Variants in CAD observed in about 807,000 individuals in gnomAD.
CAD encodes carbamoyl-phosphate synthetase 2, aspartate transcarbamylase, and dihydroorotase.
CAD carries 81 observed loss-of-function variants against 237.2 expected under a neutral mutation model. The ratio of observed to expected loss-of-function variants is 0.34; its 90% CI spans 0.29 to 0.41. CAD has a LOEUF of 0.41. CAD is among the 10% of genes least tolerant of loss of function. The pLI, the probability that CAD is intolerant of heterozygous loss-of-function variation, is 1.00. For missense variants in CAD, 2,181 were observed against 2,951.7 expected, an observed-to-expected ratio of 0.74 and a Z score of 6.05; for synonymous variants, 1,196 against 1,162.8, an observed-to-expected ratio of 1.03 and a Z score of -0.58.
Position 27,243,308 on chromosome 2 carries a change from A to C in CAD, c.6575+16A>C, listed in dbSNP as rs1676416187. 6.2e-7 allele frequency: 1 copy of C among 1,612,928 alleles called. No individual in the cohort carries two copies. Among genetic ancestry groups the C allele is most frequent in the Admixed American group, 1.7e-5 (1 of 59,948 alleles). ...ACGAGATAAGGTGGTGCAGCATCAG[A>C]GTCAGAGACTGCCTCGGGGCTGGTG... On this transcript the variant is annotated intron_variant, in intron 43 of 43. Coordinates refer to ENST00000264705, the MANE Select transcript of CAD (RefSeq NM_004341.5).
At chr2:27,221,160 A>C in intron 2 of CAD, 58 bp from the exon 3 acceptor site, 2 of 1,451,202 alleles carry the variant, frequency 1.4e-6, no homozygotes, top group Non-Finnish European at 1.8e-6. Flanking sequence ...ACAATCGGGA[A>C]AATGCTGCAA....
chr2:27,234,292 C>A, intron 22 of CAD, 66 bp downstream of exon 22: 1 of 1,445,722 alleles, frequency 6.9e-7, no homozygotes, highest in Non-Finnish European at 9.7e-7. Context: ...GGCCACAGTG[C>A]CATGAAGCCC....
At position 27,223,753 on chromosome 2, in the gene CAD, G is replaced by A; in HGVS notation, c.995+5G>A. ...CAACAGCTTGCCTTTCTTCAGGTGAGCCTGGTTGACTGGGTCTGTGAAAAT... is the reference window on the plus strand; with the variant it reads ...CAACAGCTTGCCTTTCTTCAGGTGAACCTGGTTGACTGGGTCTGTGAAAAT... On this transcript the variant is annotated splice_donor_5th_base_variant and intron_variant, in intron 7 of 43. Transcript: ENST00000264705. The A allele has an allele frequency of 6.2e-7, 1 of 1,613,590 alleles. No individual in the cohort carries two copies. The highest frequency in any genetic ancestry group is 8.5e-7 in the Non-Finnish European group (1 of 1,179,534).
chr2:27,243,215 C>T lies in CAD; in HGVS notation c.6498C>T (p.Ile2166=). The change falls in exon 43 of 44, where the codon ATC becomes ATT. Residue 2166 remains isoleucine, a synonymous_variant. Coordinates refer to ENST00000264705, the MANE Select transcript of CAD (RefSeq NM_004341.5). ...QEYEACFGQF[I]LTPHIMTRAK... is the part of the protein sequence containing the mutation. ...CTTTGCAGTGCTTTGGTCAGTTCAT[C>T]CTCACTCCCCACATCATGACCCGGG... The T allele has an allele frequency of 6.2e-7, 1 of 1,614,030 alleles. No homozygotes were observed. The highest frequency in any genetic ancestry group is 8.5e-7 in the Non-Finnish European group (1 of 1,179,996).
chr2:27,226,749 G>T (rs1297452754), intron 14 of CAD, 83 bp from the exon 15 acceptor site: 1 of 1,602,636 alleles, frequency 6.2e-7, no homozygotes, highest in Non-Finnish European at 8.5e-7. Flanking sequence ...GCCTGGATTT[G>T]TGGGAATGGA....
At position 27,224,493 on chromosome 2, in the gene CAD, G is replaced by C; in HGVS notation, c.1254+3G>C. 1 of 1,613,848 alleles carries C rather than the reference G, an allele frequency of 6.2e-7. No individual in the cohort carries two copies. Among genetic ancestry groups the C allele is most frequent in the Admixed American group, 1.7e-5 (1 of 60,000 alleles). On this transcript the variant is annotated splice_donor_region_variant and intron_variant, in intron 9 of 43. Coordinates refer to ENST00000264705, the MANE Select transcript of CAD (RefSeq NM_004341.5). ...AATTTGACTACTCGGGCTCTCAGGT[G>C]AGGCATGTTCCTCCCCACCCTTCTG...
chr2:27,219,139 C>G (rs946064710), intron 2 of CAD, among the ~76,000 whole-genome samples: 1 of 152,146 alleles, frequency 6.6e-6, no homozygotes, highest in Non-Finnish European at 1.5e-5. Context: ...TGGAGCCACT[C>G]GCACATATAA....
In CAD at chr2:27,242,460, A is replaced by G. The variant is rs764298077; in HGVS notation, c.6222+33A>G. The G allele has an allele frequency of 1.4e-5, 23 of 1,605,968 alleles. No individual in the cohort carries two copies. The highest frequency in any genetic ancestry group is 1.8e-5 in the Non-Finnish European group (21 of 1,174,672). ...TGGTGGCAGGGTTTGGATCCCTGCCAGGGGACGATCTAGAGAGGGAGGCAG... is the reference window on the plus strand; with the variant it reads ...TGGTGGCAGGGTTTGGATCCCTGCCGGGGGACGATCTAGAGAGGGAGGCAG... On this transcript the variant is annotated intron_variant, in intron 40 of 43. Transcript: ENST00000264705. This position sits in a 1 kb window ranked among gnomAD's most constrained non-coding sequence, Gnocchi z 6.4.
In CAD at chr2:27,238,121, T is replaced by C. The variant is rs781343439; in HGVS notation, c.4794T>C (p.Ala1598=). 4 of 1,614,096 alleles carry C rather than the reference T, an allele frequency of 2.5e-6. No homozygotes were observed. In the African/African-American group the frequency reaches 4.0e-5, roughly 16 times the overall value. The change falls in exon 30 of 44, where the codon GCT becomes GCC. Residue 1598 remains alanine (A), a synonymous_variant. Transcript: ENST00000264705. The part of the protein sequence containing the change: ...VAHAEQQTVA[A]VLMVAQLTQR... Reference sequence around the variant, plus strand: ...ACGCAGAGCAGCAAACCGTGGCTGCTGTCCTCATGGTGGCTCAGCTCACTC... The same window carrying C: ...ACGCAGAGCAGCAAACCGTGGCTGCCGTCCTCATGGTGGCTCAGCTCACTC...
At chr2:27,229,697 G>GA (rs1437462064) in intron 15 of CAD, among the ~76,000 whole-genome samples, 1 of 151,872 alleles carries the variant, frequency 6.6e-6, no homozygotes, top group African/African-American at 2.4e-5. Flanking sequence ...CCAATATGGT[G>GA]AAACCCCATC....
chr2:27,238,749 A>G, intron 31 of CAD, 117 bp downstream of exon 31: 1 of 951,696 alleles, frequency 1.1e-6, no homozygotes, highest in Non-Finnish European at 1.6e-6. Context: ...CTTGATCCGT[A>G]TGGGACCCTA....
At chr2:27,219,449 C>T (rs56654000) in intron 2 of CAD, among the ~76,000 whole-genome samples, 9,597 of 151,990 alleles carry the variant, frequency 0.063, 395 homozygotes, top group African/African-American at 0.11. Flanking sequence ...CTCAAGTAGT[C>T]CTCCCACCTC....
intron 5 of CAD, 97 bp from the exon 6 acceptor site, chr2:27,222,769 C>T (rs1338655589): frequency 5.1e-6 from 8 of 1,571,282 alleles, no homozygotes; most frequent in Non-Finnish European, 6.1e-6. Context: ...AGAAGATAGA[C>T]ATTGGGACTT....
chr2:27,234,482 A>T (rs774820445), intron 22 of CAD, 36 bp from the exon 23 acceptor site: 1 of 1,605,142 alleles, frequency 6.2e-7, no homozygotes, highest in South Asian at 1.1e-5. Context: ...AGCAAGGCCA[A>T]CCTGCAGAAG....
Position 27,224,449 on chromosome 2 carries a change from T to A in CAD, c.1213T>A (p.Ser405Thr). The change falls in exon 9 of 44, where the codon TCC becomes ACC. Residue 405 changes from serine (S) to threonine (T), a missense_variant. Ser to Thr is a moderately conservative substitution (Grantham distance 58). Around this residue, in one of 12 missense-constraint regions of CAD, gnomAD observed 5 missense variants for 24.1 expected, o/e 0.21. Transcript: ENST00000264705. ...KVLILGSGGL[S>T]IGQAGEFDYS... ...TCTGATCCTGGGCTCAGGGGGCCTC[T>A]CCATTGGCCAAGCTGGAGAATTTGA... The A allele has an allele frequency of 1.2e-6, 2 of 1,614,134 alleles. No homozygotes were observed. The highest frequency in any genetic ancestry group is 1.7e-6 in the Non-Finnish European group (2 of 1,180,020).
Position 27,221,210 on chromosome 2 carries a change from ATC to A in CAD, c.223-6_223-5del. ...CTGAGGCTTCTCACAATCTCTTTCC[ATC>A]TACAGTGGTTTGAATCCTCGGGCAT... On this transcript the variant is annotated splice_polypyrimidine_tract_variant and splice_region_variant and intron_variant, in intron 2 of 43. Transcript: ENST00000264705. 1 of 1,516,188 alleles carries A rather than the reference ATC, an allele frequency of 6.6e-7. No homozygotes were observed. Among genetic ancestry groups the A allele is most frequent in the Non-Finnish European group, 8.9e-7 (1 of 1,124,748 alleles). 93.9% of individuals were successfully genotyped at this position (1,516,188 alleles called of 1,614,324 possible). A position where few individuals can be genotyped will look rare whatever the true frequency, so the allele number is the denominator to read the frequency against.
Position 27,232,718 on chromosome 2 carries a change from A to G in CAD, c.2892+24A>G, listed in dbSNP as rs749792674. 9.3e-6 allele frequency: 15 copies of G among 1,613,284 alleles called. No homozygotes were observed. The highest frequency in any genetic ancestry group is 1.3e-5 in the African/African-American group (1 of 74,746). The stretch of plus-strand genomic sequence containing the variant: ...AGGTCAGAGAGTTCATTTTCTTTCC[A>G]CTTTCCTTGCTATTCTGTTCATCTC... On this transcript the variant is annotated intron_variant, in intron 18 of 43. Transcript: ENST00000264705. This position sits in a 1 kb window ranked among gnomAD's most constrained non-coding sequence, Gnocchi z 4.1.
chr2:27,236,288 C>A lies in CAD; in HGVS notation c.4079C>A (p.Thr1360Lys). The stretch of plus-strand genomic sequence containing the variant: ...ACCTTGACTCCGGGTTGGCAGGTAA[C>A]AGCTGTGGACTGGCACTTTGAGGAG... ...DFYTEHGVKV[T>K]AVDWHFEEAV... The change falls in exon 26 of 44, where the codon ACA becomes AAA. Residue 1360 changes from threonine (T) to lysine (K), a missense_variant. By Grantham distance (78) the Thr-to-Lys change is moderately conservative. Transcript: ENST00000264705. This position sits in a 1 kb window ranked among gnomAD's most constrained non-coding sequence, Gnocchi z 4.1. 6.2e-7 allele frequency: 1 copy of A among 1,613,348 alleles called. No homozygotes were observed.
rs1345743129 is a variant in CAD, at chr2:27,236,301, G to A, written c.4092G>A (p.Trp1364Ter). 6.2e-7 allele frequency: 1 copy of A among 1,614,018 alleles called. No homozygotes were observed. Among genetic ancestry groups the A allele is most frequent in the Middle Eastern group, 1.7e-4 (1 of 5,972 alleles). ...EHGVKVTAVDWHFEEAVDGEC... is the reference protein window; with the variant it reads ...EHGVKVTAVD ...GTTGGCAGGTAACAGCTGTGGACTG[G>A]CACTTTGAGGAGGCTGTGGATGGTG... The change falls in exon 26 of 44, where the codon TGG (tryptophan) becomes TGA (stop). Residue 1364 changes from tryptophan (W) to a stop codon, truncating the protein, a stop_gained. Coordinates refer to ENST00000264705, the MANE Select transcript of CAD (RefSeq NM_004341.5). LOFTEE classifies it high-confidence loss of function. The surrounding 1 kb of genome is among the most constrained non-coding windows in gnomAD (Gnocchi z 4.1).
Sources: allele counts gnomAD v4.1 joint callset (sites outside exome capture counted in the v4.1 genomes callset), GRCh38; gene constraint gnomAD v4.1.1; regional missense constraint gnomAD v4.1.1; non-coding constraint Gnocchi (gnomAD v3.1); transcripts MANE v1.5; gene names NCBI Gene and HGNC (gene_info 2026-07-23, HGNC 2026-07-21).